The following CEP83 variants were observed in gnomAD, a reference collection of about 807,000 sequenced individuals.
The protein encoded by CEP83 is centrosomal protein 83.
A neutral mutation model predicts 101.9 loss-of-function variants in CEP83; 70 were observed. That is an observed-to-expected ratio of 0.69 (90% CI 0.57 to 0.84). CEP83 has a LOEUF of 0.84. Among genes scored for constraint, CEP83 ranks in the 40% least tolerant of loss-of-function variants. The probability of loss-of-function intolerance (pLI) is 0.00; values close to 1 mark genes in which losing one functional copy is unlikely to be tolerated. For synonymous variants in CEP83, 264 were observed against 267.9 expected (o/e 0.99, Z 0.14); for missense variants, 715 against 787.2 (o/e 0.91, Z 1.10).
chr12:94,423,457 CTTTT>C (rs763433431), intron 2 of CEP83, among the ~76,000 whole-genome samples: 3 of 120,550 alleles, frequency 2.5e-5, no homozygotes, highest in Middle Eastern at 4.3e-3. Flanking sequence ...TCTGGTTCAA[CTTTT>C]TTTTTTTTTT....
intron 14 of CEP83, among the ~76,000 whole-genome samples, chr12:94,331,289 G>GAAAAAAAAAAAAAAAAAAAAAAAAAA (rs568464808): frequency 2.3e-5 from 1 of 43,820 alleles, no homozygotes; most frequent in Non-Finnish European, 3.5e-5. Context: ...CAGACTCTCA[G>GAAAAAAAAAAAAAAAAAAAAAAAAAA]AAAAAAAAAA....
intron 11 of CEP83, among the ~76,000 whole-genome samples, chr12:94,351,542 G>T (rs1434120280): frequency 6.6e-6 from 1 of 152,122 alleles, no homozygotes; most frequent in Non-Finnish European, 1.5e-5. Flanking sequence ...GAGCAGTAAA[G>T]CCAAAACTCC....
chr12:94,335,364 T>C (rs906140905), intron 12 of CEP83, among the ~76,000 whole-genome samples: 1 of 151,966 alleles, frequency 6.6e-6, no homozygotes, highest in Non-Finnish European at 1.5e-5. Context: ...AATAAATAAA[T>C]ATATATATCT....
chr12:94,457,626 AAAATT>A (rs2067781699), intron 1 of CEP83, among the ~76,000 whole-genome samples: 1 of 152,244 alleles, frequency 6.6e-6, no homozygotes, highest in African/African-American at 2.4e-5. Flanking sequence ...GGAGAGAACT[AAAATT>A]AAGTCCATGG....
At chr12:94,377,231 T>G (rs1314126844) in intron 7 of CEP83, among the ~76,000 whole-genome samples, 2 of 152,156 alleles carry the variant, frequency 1.3e-5, no homozygotes, top group Non-Finnish European at 2.9e-5. Flanking sequence ...CACACGTGCA[T>G]TAGCCTACAG....
chr12:94,446,663 ATGCCAC>A lies in CEP83; in HGVS notation c.-154-11342_-154-11337del, dbSNP rs553667892. Among the ~76,000 whole-genome samples, 5 of 152,266 alleles carry A rather than the reference ATGCCAC, an allele frequency of 3.3e-5. No homozygotes were observed. The South Asian group carries it at 1.0e-3, about 32-fold the overall frequency. On this transcript the variant is annotated intron_variant, in intron 1 of 16. Transcript: ENST00000397809. ...GTGGAAGCTGCACTAAGCTGAGATC[ATGCCAC>A]TGCACTCCACCCTGGCAAGAGAGCA...
At chr12:94,433,160 C>T (rs1262777474) in intron 2 of CEP83, among the ~76,000 whole-genome samples, 1 of 152,118 alleles carries the variant, frequency 6.6e-6, no homozygotes, top group Non-Finnish European at 1.5e-5. Context: ...GAATTTATTC[C>T]ATGGTCTTGG....
rs1011195874 is a variant in CEP83 at position 94,423,669 on chromosome 12, C to T, written c.-101-11078G>A. 4.5e-6 allele frequency: 7 copies of T among 1,570,006 alleles called. No homozygotes were observed. In the African/African-American group the frequency reaches 9.5e-5, roughly 21 times the overall value. On this transcript the variant is annotated intron_variant, in intron 2 of 16. Transcript: ENST00000397809. ...GGATGGTCTCCATTCCTGGTTAACC[C>T]TCTGGAATTTGGGAGCATGAGTATC...
At chr12:94,440,308 T>C (rs2138359797) in intron 1 of CEP83, among the ~76,000 whole-genome samples, 1 of 152,162 alleles carries the variant, frequency 6.6e-6, no homozygotes. Flanking sequence ...TCCAAAAAGC[T>C]CCTATAACTG....
At chr12:94,399,670 GTTA>G (rs1475819585) in intron 6 of CEP83, among the ~76,000 whole-genome samples, 4 of 152,182 alleles carry the variant, frequency 2.6e-5, no homozygotes, top group Admixed American at 2.0e-4. Context: ...GTTATAGTGA[GTTA>G]TTATTGCGCC....
rs1593420589 is a variant in CEP83 at position 94,362,437 on chromosome 12, C to T, written c.1343+5357G>A. 5.3e-5 allele frequency among the ~76,000 whole-genome samples: 8 copies of T among 152,176 alleles called. No individual in the cohort carries two copies. The South Asian group carries it at 1.7e-3, about 32-fold the overall frequency. On this transcript the variant is annotated intron_variant, in intron 11 of 16. Transcript: ENST00000397809. ...GAGTTGGAGACCAGCCTGGCCAACA[C>T]AGTGAAACCCCGTCTCTACTAAAAA...
At chr12:94,327,108 G>A (rs1242175916) in intron 14 of CEP83, among the ~76,000 whole-genome samples, 5 of 152,174 alleles carry the variant, frequency 3.3e-5, no homozygotes, top group Non-Finnish European at 5.9e-5. Flanking sequence ...AAAATTAGTG[G>A]AAAGGAATGA....
rs1208809351 is a variant in CEP83 at position 94,378,872 on chromosome 12, A to C, written c.720T>G (p.Asn240Lys). ...GGGCATTTTCCACCTGAGCCTCAGA[A>C]TTCTCCTTTTCAGCCTTTAATTCCG... ...EVAELKAEKENSEAQVENAQR... is the reference protein window; with the variant it reads ...EVAELKAEKEKSEAQVENAQR... The change falls in exon 7 of 17, where the codon AAT becomes AAG. Residue 240 changes from asparagine to lysine, a missense_variant. Transcript: ENST00000397809. 9.9e-6 allele frequency: 16 copies of C among 1,613,952 alleles called. 1 individual carries two copies. The Admixed American group carries it at 2.7e-4, about 27-fold the overall frequency.
chr12:94,364,400 G>C (rs1398159507), intron 11 of CEP83, among the ~76,000 whole-genome samples: 2 of 152,062 alleles, frequency 1.3e-5, no homozygotes. Context: ...ATTATAGCTA[G>C]GAAAATACTG....
At chr12:94,324,385 C>T (rs1047088799) in intron 14 of CEP83, among the ~76,000 whole-genome samples, 1 of 152,170 alleles carries the variant, frequency 6.6e-6, no homozygotes, top group Non-Finnish European at 1.5e-5. Flanking sequence ...TTCATTTATT[C>T]TAAATTGCAT....
In CEP83 at chr12:94,369,845, A is replaced by G. The variant is rs116738154; in HGVS notation, c.1048+77T>C. 5.3e-4 allele frequency: 414 copies of G among 780,070 alleles called. No homozygotes were observed. In the African/African-American group the frequency reaches 6.6e-3, roughly 13 times the overall value. 48.3% of individuals were successfully genotyped at this position (780,070 alleles called of 1,614,324 possible). The stretch of plus-strand genomic sequence containing the variant: ...TGAAAATTTGGAAATAAAAATTCAG[A>G]TTCAACTATTTTAATAATTTGAGTT... On this transcript the variant is annotated intron_variant, in intron 9 of 16. Transcript: ENST00000397809.
the CEP83 span, among the ~76,000 whole-genome samples, chr12:94,270,947 T>G: frequency 6.6e-6 from 1 of 152,038 alleles, no homozygotes; most frequent in Non-Finnish European, 1.5e-5. Context: ...AAGGGGAACG[T>G]CAGGCAGAAT....
intron 11 of CEP83, among the ~76,000 whole-genome samples, chr12:94,364,185 A>G (rs1340786913): frequency 6.6e-6 from 1 of 152,190 alleles, no homozygotes; most frequent in Non-Finnish European, 1.5e-5. Context: ...ATAGATGGTA[A>G]TGATGGTTCC....
chr12:94,293,243 G>C, the CEP83 span, among the ~76,000 whole-genome samples: 1 of 152,310 alleles, frequency 6.6e-6, no homozygotes, highest in African/African-American at 2.4e-5. Flanking sequence ...ATGGATGTTT[G>C]AGTTGTTTCC....
Sources: allele counts gnomAD v4.1 joint callset (sites outside exome capture counted in the v4.1 genomes callset), GRCh38; gene constraint gnomAD v4.1.1; transcripts MANE v1.5; gene names NCBI Gene and HGNC (gene_info 2026-07-23, HGNC 2026-07-21).